FAM228B: variants seen among roughly 807,000 people sequenced by gnomAD.
FAM228B encodes the protein family with sequence similarity 228 member B, also known as protein FAM228B.
In FAM228B, 38 loss-of-function variants were observed where a neutral mutation model predicts 42.6. That is an observed-to-expected ratio of 0.89 (90% confidence interval 0.69 to 1.17). FAM228B has a LOEUF of 1.17. Among genes scored for constraint, FAM228B ranks in the 50% most tolerant of loss-of-function variants. The pLI, the probability that FAM228B is intolerant of heterozygous loss-of-function variation, is 0.00. For synonymous variants in FAM228B, 109 were observed against 122.3 expected, an observed-to-expected ratio of 0.89 and a Z score of 0.72; for missense variants, 344 against 367.3, an observed-to-expected ratio of 0.94 and a Z score of 0.52.
At chr2:24,108,623 C>T (rs768889889) in intron 3 of FAM228B, among the ~76,000 whole-genome samples, 22 of 152,112 alleles carry the variant, frequency 1.4e-4, no homozygotes, top group Non-Finnish European at 2.6e-4. Flanking sequence ...GCAAATTGGC[C>T]GGGCACAGTG....
intron 5 of FAM228B, among the ~76,000 whole-genome samples, chr2:24,145,845 C>T (rs769322778): frequency 5.3e-5 from 8 of 152,072 alleles, no homozygotes; most frequent in South Asian, 4.2e-4. Context: ...CCCGCCACCA[C>T]GCCTGGCTAA....
intron 3 of FAM228B, among the ~76,000 whole-genome samples, chr2:24,103,665 G>A (rs1665649468): frequency 6.6e-6 from 1 of 152,222 alleles, no homozygotes; most frequent in Non-Finnish European, 1.5e-5. Context: ...TGCAGCGGGT[G>A]TGTTTAGGAA....
intron 3 of FAM228B, among the ~76,000 whole-genome samples, chr2:24,108,523 T>C (rs1478654156): frequency 6.6e-6 from 1 of 152,190 alleles, no homozygotes; most frequent in African/African-American, 2.4e-5. Flanking sequence ...AAATTCAGGC[T>C]GATATTTTTG....
intron 7 of FAM228B, among the ~76,000 whole-genome samples, chr2:24,149,680 A>C (rs1304953484): frequency 6.6e-6 from 1 of 152,118 alleles, no homozygotes; most frequent in African/African-American, 2.4e-5. Context: ...TGATCCACCC[A>C]CTTCAGCCTC....
intron 8 of FAM228B, among the ~76,000 whole-genome samples, chr2:24,163,118 C>A (rs1205254218): frequency 1.3e-5 from 2 of 152,156 alleles, no homozygotes; most frequent in Non-Finnish European, 2.9e-5. Flanking sequence ...AGGAACCTAG[C>A]AAGGTGCAAG....
chr2:24,118,626 T>C (rs1181783841), upstream of FAM228B, among the ~76,000 whole-genome samples: 1 of 152,200 alleles, frequency 6.6e-6, no homozygotes, highest in Non-Finnish European at 1.5e-5. Context: ...GATAGAAGCC[T>C]GAGATCTGAC....
intron 3 of FAM228B, among the ~76,000 whole-genome samples, chr2:24,105,761 A>G (rs1665687778): frequency 6.6e-6 from 1 of 152,220 alleles, no homozygotes; most frequent in African/African-American, 2.4e-5. Flanking sequence ...CCTCTATAAA[A>G]AAGAACCCAA....
At chr2:24,109,596 C>T (rs1180937276) in intron 3 of FAM228B, among the ~76,000 whole-genome samples, 5 of 151,930 alleles carry the variant, frequency 3.3e-5, no homozygotes, top group African/African-American at 1.2e-4. Context: ...AATTTACAAG[C>T]AAAAACAACC....
intron 6 of FAM228B, 44 bp from the exon 7 acceptor site, chr2:24,146,886 G>A (rs1442130179): frequency 9.1e-6 from 14 of 1,539,560 alleles, no homozygotes; most frequent in African/African-American, 1.4e-5. Flanking sequence ...AGCAATGGCA[G>A]ATGCATTTAA....
intron 3 of FAM228B, among the ~76,000 whole-genome samples, chr2:24,105,157 G>A (rs1429065457): frequency 5.9e-5 from 9 of 152,220 alleles, no homozygotes; most frequent in Admixed American, 4.6e-4. Flanking sequence ...GATTCTGCCT[G>A]AACTCTGCAG....
intron 3 of FAM228B, among the ~76,000 whole-genome samples, chr2:24,098,692 C>G (rs1469890924): frequency 6.6e-6 from 1 of 152,222 alleles, no homozygotes; most frequent in East Asian, 1.9e-4. Flanking sequence ...CAGCCAAATT[C>G]TACCAGAGGT....
In FAM228B at chr2:24,084,401, C is replaced by T; in HGVS notation, c.-210+3446C>T. 1 of 1,449,276 alleles carries T rather than the reference C, an allele frequency of 6.9e-7. No individual in the cohort carries two copies. Among genetic ancestry groups the T allele is most frequent in the East Asian group, 2.5e-5 (1 of 39,502 alleles). The allele number at this position is 1,449,276 out of a possible 1,614,324, so 89.8% of individuals were successfully genotyped here. On this transcript the variant is annotated intron_variant, in intron 2 of 10. Transcript: ENST00000613899. The surrounding 1 kb of genome is among the most constrained non-coding windows in gnomAD (Gnocchi z 8.4). ...CAGGGCAGGACAGGACAGGGCAGGGCAGGACAGGACAGGGCAGGGGCCGCT... is the reference window on the plus strand; with the variant it reads ...CAGGGCAGGACAGGACAGGGCAGGGTAGGACAGGACAGGGCAGGGGCCGCT...
chr2:24,152,555 T>C (rs1051622107), intron 7 of FAM228B, among the ~76,000 whole-genome samples: 4 of 152,240 alleles, frequency 2.6e-5, no homozygotes, highest in Admixed American at 1.3e-4. Context: ...TTGTGGACTT[T>C]GATAAGATCC....
intron 9 of FAM228B, among the ~76,000 whole-genome samples, chr2:24,164,738 G>A (rs1249622429): frequency 6.6e-6 from 1 of 152,162 alleles, no homozygotes; most frequent in East Asian, 1.9e-4. Context: ...TAACCTTAAG[G>A]CAGTCAAGAT....
chr2:24,119,514 A>T, upstream of FAM228B: 1 of 1,188,470 alleles, frequency 8.4e-7, no homozygotes, highest in Non-Finnish European at 1.2e-6. Flanking sequence ...GATCTCTGTT[A>T]CTCGTAGTCG....
Position 24,128,986 on chromosome 2 carries a change from A to G in FAM228B, c.99+4526A>G, listed in dbSNP as rs1175698506. ...ACACTCCTGGGACTGTGTGACCTCT[A>G]GGGATTGATTCCCTAATTCTTGCAG... On this transcript the variant is annotated intron_variant, in intron 2 of 10. Transcript: ENST00000615575. 3.3e-5 allele frequency among the ~76,000 whole-genome samples: 5 copies of G among 151,838 alleles called. No homozygotes were observed. In the South Asian group the frequency reaches 8.3e-4, roughly 25 times the overall value.
chr2:24,077,646 T>G lies in FAM228B; in HGVS notation c.-290+677T>G, dbSNP rs1251341682. 6.2e-7 allele frequency: 1 copy of G among 1,613,598 alleles called. No homozygotes were observed. The highest frequency in any genetic ancestry group is 1.3e-5 in the African/African-American group (1 of 74,980). On this transcript the variant is annotated intron_variant, in intron 1 of 10. Coordinates refer to the FAM228B transcript ENST00000613899. The surrounding 1 kb of genome is among the most constrained non-coding windows in gnomAD (Gnocchi z 5.5). ...GGCCTCCATGTACTTATGGGCCTCC[T>G]GGATTTCGGTCACTGGGTAGATTCT...
At chr2:24,082,996 C>T (rs763368498) in intron 2 of FAM228B, 22 of 1,614,158 alleles carry the variant, frequency 1.4e-5, no homozygotes, top group Non-Finnish European at 1.6e-5. Context: ...GGGACAGTGA[C>T]GTACTGAGCC....
chr2:24,090,476 T>G (rs1177014743), intron 2 of FAM228B, among the ~76,000 whole-genome samples: 1 of 142,444 alleles, frequency 7.0e-6, no homozygotes, highest in Non-Finnish European at 1.5e-5. Context: ...CCCAGGTACC[T>G]GCGAGGCTGA....
Sources: gnomAD v4.1 joint callset for allele counts (sites outside exome capture counted in the v4.1 genomes callset) on GRCh38, gnomAD v4.1.1 for gene constraint, Gnocchi (gnomAD v3.1) non-coding constraint, MANE v1.5 for transcripts, NCBI Gene and HGNC (gene_info 2026-07-23, HGNC 2026-07-21) for gene names.